ANAPC10: variants seen among roughly 807,000 people sequenced by gnomAD.
ANAPC10 encodes anaphase-promoting complex subunit 10.
A neutral mutation model predicts 22.0 loss-of-function variants in ANAPC10; 12 were observed. The observed-to-expected ratio is 0.55, with a 90% CI of 0.35 to 0.88. The LOEUF is 0.88. ANAPC10 is among the 40% of genes least tolerant of loss of function. The probability of loss-of-function intolerance (pLI) is 0.01; values close to 1 mark genes in which losing one functional copy is unlikely to be tolerated. For missense variants in ANAPC10, 188 were observed against 220.9 expected (o/e 0.85, Z 0.94); for synonymous variants, 65 against 69.5 (o/e 0.94, Z 0.32).
At chr4:145,047,406 G>C (rs1197972265) in intron 4 of ANAPC10, among the ~76,000 whole-genome samples, 1 of 152,194 alleles carries the variant, frequency 6.6e-6, no homozygotes, top group East Asian at 1.9e-4. Flanking sequence ...TATGACTCTG[G>C]GGGAATATCA....
intron 3 of ANAPC10, among the ~76,000 whole-genome samples, chr4:145,067,704 T>C (rs1470665579): frequency 1.3e-5 from 2 of 152,220 alleles, no homozygotes; most frequent in African/African-American, 4.8e-5. Context: ...TACGAGCATC[T>C]GCTGAATAAT....
intron 2 of ANAPC10, among the ~76,000 whole-genome samples, chr4:145,088,099 T>C (rs1747157557): frequency 6.6e-6 from 1 of 152,130 alleles, no homozygotes; most frequent in Non-Finnish European, 1.5e-5. Context: ...CCTGAAACAC[T>C]TGTTTCCTCT....
At chr4:145,018,091 C>G (rs1186944464) in intron 4 of ANAPC10, among the ~76,000 whole-genome samples, 1 of 150,490 alleles carries the variant, frequency 6.6e-6, no homozygotes, top group Non-Finnish European at 1.5e-5. Flanking sequence ...ACGTTGTGCA[C>G]ATGTACCCTA....
chr4:145,040,446 C>G (rs1739346368), intron 4 of ANAPC10, among the ~76,000 whole-genome samples: 1 of 152,212 alleles, frequency 6.6e-6, no homozygotes, highest in African/African-American at 2.4e-5. Context: ...CCATGCCCAG[C>G]CTATTGTATG....
chr4:145,075,841 A>G (rs1745117970), intron 3 of ANAPC10, among the ~76,000 whole-genome samples: 2 of 152,176 alleles, frequency 1.3e-5, no homozygotes, highest in Non-Finnish European at 1.5e-5. Flanking sequence ...AAATGGCTAC[A>G]GTGGAGCACA....
intron 4 of ANAPC10, among the ~76,000 whole-genome samples, chr4:144,997,828 G>T (rs950768589): frequency 1.3e-5 from 2 of 152,090 alleles, no homozygotes; most frequent in East Asian, 3.9e-4. Context: ...GCTGCATTCA[G>T]GAGACCCATC....
intron 2 of ANAPC10, among the ~76,000 whole-genome samples, chr4:145,094,102 C>A (rs551578995): frequency 6.6e-6 from 1 of 152,276 alleles, no homozygotes; most frequent in East Asian, 1.9e-4. Context: ...AAGCTAGCTA[C>A]TACTAATCTG....
chr4:145,003,809 T>C (rs753373506), intron 4 of ANAPC10, among the ~76,000 whole-genome samples: 2 of 152,146 alleles, frequency 1.3e-5, no homozygotes, highest in Non-Finnish European at 1.5e-5. Context: ...TGTAAGATCA[T>C]CTTGGCTATT....
intron 3 of ANAPC10, among the ~76,000 whole-genome samples, chr4:145,079,611 A>G (rs1403613682): frequency 6.6e-6 from 1 of 152,240 alleles, no homozygotes; most frequent in Non-Finnish European, 1.5e-5. Flanking sequence ...ACAATAGCAA[A>G]GACAAGGAAT....
intron 3 of ANAPC10, among the ~76,000 whole-genome samples, chr4:145,081,243 A>T (rs79637719): frequency 1.3e-5 from 2 of 151,636 alleles, no homozygotes; most frequent in African/African-American, 2.4e-5. Flanking sequence ...AAAAAAAAAA[A>T]TTTTCCAAAT....
Position 145,039,742 on chromosome 4 carries a change from G to A in ANAPC10, c.327+24830C>T, listed in dbSNP as rs571452838. On this transcript the variant is annotated intron_variant, in intron 4 of 4. Coordinates refer to ENST00000507656, the MANE Select transcript of ANAPC10 (RefSeq NM_001256706.2). Reference sequence around the variant, plus strand: ...CCTGAGTAGCTAGGACTACAGGCACGCACCACCACACCCACCTAATTTTTG... The same window carrying A: ...CCTGAGTAGCTAGGACTACAGGCACACACCACCACACCCACCTAATTTTTG... 9.2e-5 allele frequency among the ~76,000 whole-genome samples: 14 copies of A among 151,872 alleles called. No individual in the cohort carries two copies. The East Asian group carries it at 2.3e-3, about 25-fold the overall frequency.
rs554456183 is a variant in ANAPC10, at chr4:145,092,479, T to C, written c.115+3506A>G. Among the ~76,000 whole-genome samples the C allele has an allele frequency of 1.2e-4, 19 of 152,086 alleles. No individual in the cohort carries two copies. In the South Asian group the frequency reaches 1.7e-3, roughly 13 times the overall value. ...AGATTGTCCCAACTGTAGTAGAGCA[T>C]AGGAGGAAGGAACAAGACCAAATAA... is the stretch of plus-strand genomic sequence containing the variant. On this transcript the variant is annotated intron_variant, in intron 2 of 4. Transcript: ENST00000507656.
At chr4:145,064,973 A>G (rs1445936553) in intron 3 of ANAPC10, among the ~76,000 whole-genome samples, 1 of 151,946 alleles carries the variant, frequency 6.6e-6, no homozygotes, top group Non-Finnish European at 1.5e-5. Flanking sequence ...CAAATTAGGT[A>G]CTTTATCATG....
intron 4 of ANAPC10, among the ~76,000 whole-genome samples, chr4:145,049,607 T>A (rs1740810184): frequency 6.6e-6 from 1 of 152,084 alleles, no homozygotes; most frequent in Admixed American, 6.6e-5. Flanking sequence ...TGAGATAGGG[T>A]CTCTCTCTGT....
At chr4:145,083,453 A>T (rs1285847801) in intron 2 of ANAPC10, among the ~76,000 whole-genome samples, 1 of 152,184 alleles carries the variant, frequency 6.6e-6, no homozygotes, top group East Asian at 1.9e-4. Context: ...GATTTCTAGG[A>T]ATAGAATCCT....
intron 4 of ANAPC10, among the ~76,000 whole-genome samples, chr4:145,039,599 C>CTCT (rs1553970313): frequency 4.0e-5 from 6 of 148,652 alleles, no homozygotes; most frequent in Admixed American, 1.3e-4. Context: ...GAGGTATACT[C>CTCT]TTTTTTTTTT....
intron 4 of ANAPC10, among the ~76,000 whole-genome samples, chr4:145,012,176 G>GTGTA (rs772770916): frequency 2.1e-4 from 29 of 140,632 alleles, no homozygotes; most frequent in South Asian, 4.4e-4. Context: ...GTGTGTGTGT[G>GTGTA]TATATATATA....
intron 4 of ANAPC10, among the ~76,000 whole-genome samples, chr4:145,060,565 A>G (rs1742734212): frequency 6.6e-6 from 1 of 151,906 alleles, no homozygotes; most frequent in South Asian, 2.1e-4. Context: ...AAACAAATTC[A>G]TAATTTCTAG....
chr4:145,084,097 G>C (rs569463248), intron 2 of ANAPC10, among the ~76,000 whole-genome samples: 1 of 152,022 alleles, frequency 6.6e-6, no homozygotes, highest in African/African-American at 2.4e-5. Flanking sequence ...CAGTCATCTA[G>C]GTAGCTGGAA....
Sources: allele counts gnomAD v4.1 joint callset (sites outside exome capture counted in the v4.1 genomes callset), GRCh38; gene constraint gnomAD v4.1.1; transcripts MANE v1.5; gene names NCBI Gene and HGNC (gene_info 2026-07-23, HGNC 2026-07-21).